The following ETF1 variants were observed in gnomAD, a reference collection of about 807,000 sequenced individuals.
The protein encoded by ETF1 is eukaryotic peptide chain release factor subunit 1.
ETF1 carries 4 observed loss-of-function variants against 55.1 expected under a neutral mutation model. The observed-to-expected ratio is 0.07, with a 90% CI of 0.04 to 0.17. ETF1 has a LOEUF of 0.17. ETF1 is among the 10% of genes least tolerant of loss of function. The pLI, the probability that ETF1 is intolerant of heterozygous loss-of-function variation, is 1.00. For synonymous variants in ETF1, 157 were observed against 182.3 expected (o/e 0.86, Z 1.12); for missense variants, 142 against 523.6 (o/e 0.27, Z 7.11).
intron 2 of ETF1, among the ~76,000 whole-genome samples, chr5:138,529,044 G>C (rs1765589472): frequency 6.6e-6 from 1 of 152,044 alleles, no homozygotes; most frequent in African/African-American, 2.4e-5. Context: ...AGGAGAATCG[G>C]CTTGAGCCTG....
chr5:138,515,955 G>C (rs116612778), intron 4 of ETF1, among the ~76,000 whole-genome samples: 1 of 152,174 alleles, frequency 6.6e-6, no homozygotes, highest in Non-Finnish European at 1.5e-5. Context: ...GTCGACAAAT[G>C]TCAGTTCTAA....
intron 9 of ETF1, among the ~76,000 whole-genome samples, chr5:138,510,342 A>G (rs529581092): frequency 1.1e-3 from 151 of 133,630 alleles, no homozygotes; most frequent in Middle Eastern, 3.9e-3. Flanking sequence ...TGGGCAACAG[A>G]GCAAGACCTT....
intron 4 of ETF1, among the ~76,000 whole-genome samples, chr5:138,515,109 A>G (rs2127075935): frequency 6.6e-6 from 1 of 152,284 alleles, no homozygotes. Flanking sequence ...ATCTTTAACA[A>G]ACCATGCTAG....
intron 2 of ETF1, among the ~76,000 whole-genome samples, chr5:138,526,669 T>C (rs1273979124): frequency 6.6e-6 from 1 of 151,912 alleles, no homozygotes; most frequent in African/African-American, 2.4e-5. Flanking sequence ...CTGGAGTAGC[T>C]GGGATTACAG....
intron 9 of ETF1, chr5:138,509,285 T>G (rs1326522547): frequency 1.9e-6 from 1 of 536,002 alleles, no homozygotes; most frequent in Non-Finnish European, 2.4e-6. Context: ...TGTGATGCAC[T>G]TAGAGCAAAC....
At chr5:138,508,470 G>A in intron 10 of ETF1, 83 bp from the exon 11 acceptor site, 3 of 1,584,914 alleles carry the variant, frequency 1.9e-6, no homozygotes, top group Non-Finnish European at 1.7e-6. Flanking sequence ...AATAAGGGAA[G>A]CCCTATTCTC....
intron 2 of ETF1, among the ~76,000 whole-genome samples, chr5:138,530,060 A>T (rs1388300605): frequency 6.6e-6 from 1 of 152,100 alleles, no homozygotes; most frequent in Non-Finnish European, 1.5e-5. Flanking sequence ...CAAGGATCTT[A>T]ATCAATGTTC....
intron 2 of ETF1, among the ~76,000 whole-genome samples, chr5:138,522,084 G>A (rs1243390426): frequency 6.7e-6 from 1 of 149,662 alleles, no homozygotes; most frequent in East Asian, 1.9e-4. Context: ...GCTCTACAGA[G>A]TAGCCATTCT....
intron 4 of ETF1, 157 bp from the exon 5 acceptor site, chr5:138,513,863 A>G (rs1270707068): frequency 4.6e-5 from 37 of 801,472 alleles, no homozygotes; most frequent in Admixed American, 6.2e-5. Flanking sequence ...CTTCAGTTAT[A>G]AACATGTAAC....
rs1198249223 is a variant in ETF1 at position 138,508,287 on chromosome 5, C to T, written c.*18G>A. 5.0e-6 allele frequency: 8 copies of T among 1,610,438 alleles called. No homozygotes were observed. The Admixed American group carries it at 5.0e-5, about 10-fold the overall frequency. On this transcript the variant is annotated 3_prime_UTR_variant, in exon 11 of 11. Coordinates refer to ENST00000360541, the MANE Select transcript of ETF1 (RefSeq NM_004730.4). ...TGCTGGAGGGTGAGGCACGTTTTGC[C>T]GGACCCATGTCGACTACCTAGTAGT...
At chr5:138,536,048 A>G (rs935297506) in intron 2 of ETF1, among the ~76,000 whole-genome samples, 2 of 152,090 alleles carry the variant, frequency 1.3e-5, no homozygotes, top group African/African-American at 4.8e-5. Context: ...TTTCTTCCAA[A>G]ATGTCTAGTG....
intron 2 of ETF1, among the ~76,000 whole-genome samples, chr5:138,533,397 A>C (rs1219612884): frequency 1.3e-5 from 2 of 152,014 alleles, no homozygotes; most frequent in South Asian, 2.1e-4. Flanking sequence ...AATACCAATA[A>C]AAAAATCTGG....
chr5:138,517,696 A>T lies in ETF1; in HGVS notation c.267T>A (p.Pro89=). 1 of 1,478,016 alleles carries T rather than the reference A, an allele frequency of 6.8e-7. No homozygotes were observed. The highest frequency in any genetic ancestry group is 2.5e-5 in the East Asian group (1 of 40,012). 91.6% of individuals were successfully genotyped at this position (1,478,016 alleles called of 1,614,324 possible). A position where few individuals can be genotyped will look rare whatever the true frequency, so the allele number is the denominator to read the frequency against. ...QQRLKLYNKV[P]PNGLVVYCGT... ...CACAGTATACAACCAGACCATTTGG[A>T]GGTACTGCAAAGAACACAAACAATT... Residue 89 remains proline, a synonymous_variant, in exon 4 of 11, where the codon CCT becomes CCA. Coordinates refer to ENST00000360541, the MANE Select transcript of ETF1 (RefSeq NM_004730.4).
intron 4 of ETF1, among the ~76,000 whole-genome samples, chr5:138,517,222 T>C (rs1476931259): frequency 2.0e-5 from 3 of 151,878 alleles, no homozygotes; most frequent in Admixed American, 6.6e-5. Flanking sequence ...TACAAAAAAA[T>C]TAGCTGGGTG....
intron 4 of ETF1, among the ~76,000 whole-genome samples, chr5:138,516,906 G>A (rs1765042868): frequency 1.3e-5 from 2 of 152,120 alleles, no homozygotes; most frequent in African/African-American, 2.4e-5. Flanking sequence ...TAAAACTGAT[G>A]AAACGAGAAG....
At chr5:138,508,949 G>GT (rs1764657530) in intron 9 of ETF1, 133 bp from the exon 10 acceptor site, 1 of 1,443,500 alleles carries the variant, frequency 6.9e-7, no homozygotes, top group African/African-American at 1.4e-5. Context: ...GTAAAGCTCT[G>GT]TAAGTCATCT....
chr5:138,512,246 A>ATATATATATATTT (rs1554137487), intron 6 of ETF1, among the ~76,000 whole-genome samples: 4 of 9,316 alleles, frequency 4.3e-4, no homozygotes, highest in African/African-American at 1.2e-3. Context: ...ATATATATAT[A>ATATATATATATTT]TATATATATA....
chr5:138,514,321 T>C (rs1179136891), intron 4 of ETF1, among the ~76,000 whole-genome samples: 1 of 152,138 alleles, frequency 6.6e-6, no homozygotes, highest in Non-Finnish European at 1.5e-5. Flanking sequence ...TGGGAGGCTG[T>C]GGCAGGCAGA....
In ETF1 at chr5:138,522,012, G is replaced by A. The variant is rs535360861; in HGVS notation, c.87-3145C>T. 3.3e-5 allele frequency among the ~76,000 whole-genome samples: 5 copies of A among 152,142 alleles called. No individual in the cohort carries two copies. The South Asian group carries it at 1.0e-3, about 32-fold the overall frequency. On this transcript the variant is annotated intron_variant, in intron 2 of 10. Transcript: ENST00000360541. ...TAGTTTAGTCACAACATGGATAAAC[G>A]ACTATTTAAAATATTAGATGATCTA... is the stretch of plus-strand genomic sequence containing the variant.
Sources: gnomAD v4.1 joint callset for allele counts (sites outside exome capture counted in the v4.1 genomes callset) on GRCh38, gnomAD v4.1.1 for gene constraint, MANE v1.5 for transcripts, NCBI Gene and HGNC (gene_info 2026-07-23, HGNC 2026-07-21) for gene names.